The following TFPI variants were observed in gnomAD, a reference collection of about 807,000 sequenced individuals.
The protein encoded by TFPI is tissue factor pathway inhibitor, also known as anti-convertin.
TFPI carries 15 observed loss-of-function variants against 34.6 expected under a neutral mutation model. The observed-to-expected ratio is 0.43, with a 90% CI of 0.29 to 0.67. TFPI has a LOEUF of 0.67. TFPI is among the 30% of genes least tolerant of loss of function. The probability of loss-of-function intolerance (pLI) is 0.15; values close to 1 mark genes in which losing one functional copy is unlikely to be tolerated. For missense variants in TFPI, 301 were observed against 364.0 expected (o/e 0.83, Z 1.41); for synonymous variants, 105 against 120.1 (o/e 0.87, Z 0.82).
intron 4 of TFPI, among the ~76,000 whole-genome samples, chr2:187,487,646 C>T (rs1207502727): frequency 6.6e-6 from 1 of 151,216 alleles, no homozygotes; most frequent in African/African-American, 2.4e-5. Flanking sequence ...ATTAAAAGGA[C>T]GTTGGTTTCC....
intron 1 of TFPI, among the ~76,000 whole-genome samples, chr2:187,524,724 T>A (rs1415764619): frequency 2.0e-5 from 3 of 152,248 alleles, no homozygotes; most frequent in African/African-American, 7.2e-5. Flanking sequence ...TGTCTTGTAT[T>A]GCTTTTCATT....
chr2:187,512,753 CA>C (rs986248414), intron 1 of TFPI, among the ~76,000 whole-genome samples: 2 of 148,968 alleles, frequency 1.3e-5, no homozygotes, highest in African/African-American at 5.0e-5. Context: ...TTATCATCTT[CA>C]AAAAAAAGGG....
At chr2:187,487,104 G>T (rs1209382993) in intron 4 of TFPI, among the ~76,000 whole-genome samples, 2 of 151,372 alleles carry the variant, frequency 1.3e-5, no homozygotes, top group Admixed American at 1.3e-4. Context: ...CCTAAAAATA[G>T]TACCTGTATT....
intron 4 of TFPI, among the ~76,000 whole-genome samples, chr2:187,488,078 G>A (rs1693414438): frequency 6.6e-6 from 1 of 151,252 alleles, no homozygotes; most frequent in Non-Finnish European, 1.5e-5. Flanking sequence ...CAAATATAAT[G>A]TATATATTTT....
At chr2:187,539,085 A>AGTGT (rs10608725) in intron 1 of TFPI, among the ~76,000 whole-genome samples, 1,667 of 150,258 alleles carry the variant, frequency 0.011, 31 homozygotes, top group African/African-American at 0.038. Flanking sequence ...GCCTAAATAG[A>AGTGT]GTGTGTGTGT....
At chr2:187,473,989 T>C (rs1053412187) in intron 6 of TFPI, among the ~76,000 whole-genome samples, 1 of 152,146 alleles carries the variant, frequency 6.6e-6, no homozygotes, top group Non-Finnish European at 1.5e-5. Context: ...TTCTCTGGGT[T>C]GGATTTCATT....
chr2:187,465,103 T>C lies in TFPI; in HGVS notation c.*1833A>G, dbSNP rs1417952443. 6.6e-6 allele frequency: 1 copy of C among 151,992 alleles called. No individual in the cohort carries two copies. Among genetic ancestry groups the C allele is most frequent in the Non-Finnish European group, 1.5e-5 (1 of 67,984 alleles). 9.4% of individuals were successfully genotyped at this position (151,992 alleles called of 1,614,324 possible). ...CATACATCAAAATTAAATGGTGAGG[T>C]TGAAGGTTGTAGTTAAGTACCAACT... On this transcript the variant is annotated 3_prime_UTR_variant, in exon 8 of 8. Transcript: ENST00000233156.
chr2:187,552,571 TA>T (rs1689134279), intron 1 of TFPI, among the ~76,000 whole-genome samples: 1 of 152,052 alleles, frequency 6.6e-6, no homozygotes, highest in African/African-American at 2.4e-5. Flanking sequence ...ATCTGACTGA[TA>T]AATGGACAAT....
At chr2:187,516,020 C>A (rs555718309) in intron 1 of TFPI, 1 of 152,124 alleles carries the variant, frequency 6.6e-6, no homozygotes, top group East Asian at 1.9e-4. Context: ...AGGCACAAGA[C>A]GGCTAGTGGG....
At position 187,554,205 on chromosome 2, in the gene TFPI, A is replaced by G. The variant is rs1185120965; in HGVS notation, c.-8T>C. 1 of 152,098 alleles carries G rather than the reference A, an allele frequency of 6.6e-6. No individual in the cohort carries two copies. Among genetic ancestry groups the G allele is most frequent in the African/African-American group, 2.4e-5 (1 of 41,432 alleles). The allele number at this position is 152,098 out of a possible 1,614,324, so 9.4% of individuals were successfully genotyped here. The stretch of plus-strand genomic sequence containing the variant: ...GTATATTGCCAGGTACTCACAAGTA[A>G]AATCTCTGATGAAAGTTCTTGGAAT... On this transcript the variant is annotated 5_prime_UTR_variant, in exon 1 of 8. Coordinates refer to ENST00000233156, the MANE Select transcript of TFPI (RefSeq NM_006287.6).
chr2:187,484,544 AT>A (rs1419443313), intron 5 of TFPI: 1 of 481,914 alleles, frequency 2.1e-6, no homozygotes, highest in Non-Finnish European at 3.6e-6. Context: ...GATTTCAGCA[AT>A]TCTATTGTGC....
chr2:187,522,608 G>A (rs531628472), intron 1 of TFPI, among the ~76,000 whole-genome samples: 1 of 151,786 alleles, frequency 6.6e-6, no homozygotes, highest in East Asian at 1.9e-4. Context: ...AAAAGGCGGG[G>A]TGTGGTGGCT....
At chr2:187,505,455 A>C (rs181985460) in intron 1 of TFPI, among the ~76,000 whole-genome samples, 2 of 152,258 alleles carry the variant, frequency 1.3e-5, no homozygotes, top group East Asian at 3.9e-4. Flanking sequence ...GCAGGCTTGC[A>C]TTAGTTCTCA....
At chr2:187,478,403 C>T (rs1248743977) in intron 6 of TFPI, among the ~76,000 whole-genome samples, 1 of 151,842 alleles carries the variant, frequency 6.6e-6, no homozygotes, top group African/African-American at 2.4e-5. Context: ...AAAACAAAAA[C>T]AAATAGTTGA....
intron 6 of TFPI, among the ~76,000 whole-genome samples, chr2:187,474,326 A>G (rs553249654): frequency 3.2e-4 from 49 of 152,266 alleles, no homozygotes; most frequent in Middle Eastern, 3.4e-3. Context: ...GAAAACACAA[A>G]GGTCAGAATG....
chr2:187,530,725 T>G (rs1488002936), intron 1 of TFPI, among the ~76,000 whole-genome samples: 1 of 152,216 alleles, frequency 6.6e-6, no homozygotes, highest in Non-Finnish European at 1.5e-5. Flanking sequence ...AAATGTAAGC[T>G]CTTTAAATAT....
chr2:187,467,710 A>C (rs756313146), intron 7 of TFPI, 43 bp downstream of exon 7: 1 of 1,450,296 alleles, frequency 6.9e-7, no homozygotes, highest in East Asian at 2.4e-5. Flanking sequence ...TTCAATTGCT[A>C]TCTTAAACAC....
intron 6 of TFPI, among the ~76,000 whole-genome samples, chr2:187,473,342 G>A (rs778293790): frequency 6.6e-6 from 1 of 151,988 alleles, no homozygotes; most frequent in Non-Finnish European, 1.5e-5. Flanking sequence ...TTTATGCTGA[G>A]CTTATTCTAT....
chr2:187,496,832 C>T (rs757126984), intron 3 of TFPI, 49 bp downstream of exon 3: 8 of 1,500,886 alleles, frequency 5.3e-6, no homozygotes, highest in African/African-American at 2.8e-5. Flanking sequence ...CATAATTAGA[C>T]TCAATAGCCC....
Sources: gnomAD v4.1 joint callset for allele counts (sites outside exome capture counted in the v4.1 genomes callset) on GRCh38, gnomAD v4.1.1 for gene constraint, MANE v1.5 for transcripts, NCBI Gene and HGNC (gene_info 2026-07-23, HGNC 2026-07-21) for gene names.